The following OTULIN variants were observed in gnomAD, a reference collection of about 807,000 sequenced individuals.
The protein encoded by OTULIN is ubiquitin thioesterase otulin.
OTULIN carries 15 observed loss-of-function variants against 39.6 expected under a neutral mutation model. The observed-to-expected ratio is 0.38, with a 90% CI of 0.25 to 0.58. The LOEUF is 0.58. Among genes scored for constraint, OTULIN ranks in the 20% least tolerant of loss-of-function variants. The probability of loss-of-function intolerance (pLI) is 0.66; values close to 1 mark genes in which losing one functional copy is unlikely to be tolerated. For missense variants in OTULIN, 319 were observed against 445.9 expected (o/e 0.72, Z 2.56); for synonymous variants, 156 against 170.3 (o/e 0.92, Z 0.65).
intron 1 of OTULIN, among the ~76,000 whole-genome samples, chr5:14,668,756 AT>A (rs1356837521): frequency 6.6e-6 from 1 of 152,246 alleles, no homozygotes; most frequent in African/African-American, 2.4e-5. Flanking sequence ...AGCTTTGCAT[AT>A]ACATTAGAAT....
chr5:14,716,098 C>A, the OTULIN span, among the ~76,000 whole-genome samples: 2 of 152,120 alleles, frequency 1.3e-5, no homozygotes, highest in Non-Finnish European at 2.9e-5. Flanking sequence ...CATTTGTGTT[C>A]CCACCACCAC....
the OTULIN span, among the ~76,000 whole-genome samples, chr5:14,715,740 G>A: frequency 1.7e-4 from 26 of 149,378 alleles, no homozygotes; most frequent in African/African-American, 6.4e-4. Flanking sequence ...ATTTGCTATG[G>A]AAATGGTTGT....
Position 14,698,716 on chromosome 5 carries a change from G to GTCCGCAAGGCAGACCTATGATA in OTULIN, c.*5671_*5672insGCAAGGCAGACCTATGATATCC. 6.6e-6 allele frequency: 1 copy of GTCCGCAAGGCAGACCTATGATA among 152,276 alleles called. No homozygotes were observed. The highest frequency in any genetic ancestry group is 2.4e-5 in the African/African-American group (1 of 41,452). 9.4% of individuals were successfully genotyped at this position (152,276 alleles called of 1,614,324 possible). ...GGCACCCGCAAGGCAGACCTATGAT[G>GTCCGCAAGGCAGACCTATGATA]TCCACATGGCTGACTCTTGACCCCT... On this transcript the variant is annotated 3_prime_UTR_variant, in exon 7 of 7. Coordinates refer to ENST00000284274, the MANE Select transcript of OTULIN (RefSeq NM_138348.6).
chr5:14,697,154 G>A lies in OTULIN; in HGVS notation c.*4106G>A, dbSNP rs1229554146. ...TTGGGACTCAGCAGTATTCTGGGAG[G>A]GTGGAGGTGAACTGTCCCATGTATT... On this transcript the variant is annotated 3_prime_UTR_variant, in exon 7 of 7. Coordinates refer to ENST00000284274, the MANE Select transcript of OTULIN (RefSeq NM_138348.6). 6.6e-6 allele frequency: 1 copy of A among 152,212 alleles called. No homozygotes were observed. Among genetic ancestry groups the A allele is most frequent in the African/African-American group, 2.4e-5 (1 of 41,412 alleles). 9.4% of individuals were successfully genotyped at this position (152,212 alleles called of 1,614,324 possible). A position where few individuals can be genotyped will look rare whatever the true frequency, so the allele number is the denominator to read the frequency against.
In OTULIN at chr5:14,698,515, T is replaced by C. The variant is rs1007993425; in HGVS notation, c.*5467T>C. 13 of 152,372 alleles carry C rather than the reference T, an allele frequency of 8.5e-5. No homozygotes were observed. The East Asian group carries it at 2.5e-3, about 29-fold the overall frequency. 9.4% of individuals were successfully genotyped at this position (152,372 alleles called of 1,614,324 possible). A position where few individuals can be genotyped will look rare whatever the true frequency, so the allele number is the denominator to read the frequency against. On this transcript the variant is annotated 3_prime_UTR_variant, in exon 7 of 7. Coordinates refer to ENST00000284274, the MANE Select transcript of OTULIN (RefSeq NM_138348.6). ...TTCACTGTCAGAAGCTGAACTGACT[T>C]GGGGGCTTTGCTGTTGATCCACTTT...
In OTULIN at chr5:14,694,114, C is replaced by T. The variant is rs1736604421; in HGVS notation, c.*1066C>T. The T allele has an allele frequency of 2.0e-5, 3 of 152,186 alleles. No individual in the cohort carries two copies. 9.4% of individuals were successfully genotyped at this position (152,186 alleles called of 1,614,324 possible). A position where few individuals can be genotyped will look rare whatever the true frequency, so the allele number is the denominator to read the frequency against. ...CCAGATCTGTGTAACCCGTCTGGGT[C>T]AGGGGATGAGTGACAGCAAACCATC... On this transcript the variant is annotated 3_prime_UTR_variant, in exon 7 of 7. Coordinates refer to ENST00000284274, the MANE Select transcript of OTULIN (RefSeq NM_138348.6).
downstream of OTULIN, among the ~76,000 whole-genome samples, chr5:14,701,731 G>A (rs953063276): frequency 2.0e-5 from 3 of 152,096 alleles, no homozygotes; most frequent in African/African-American, 2.4e-5. Context: ...TGGTGTGGCC[G>A]CCTTCTCTTT....
intron 3 of OTULIN, among the ~76,000 whole-genome samples, chr5:14,681,041 C>T (rs765349775): frequency 2.6e-5 from 4 of 152,068 alleles, no homozygotes; most frequent in African/African-American, 4.8e-5. Flanking sequence ...GCCTGGGCAA[C>T]GAGAGCGAAA....
Position 14,668,784 on chromosome 5 carries a change from C to T in OTULIN, c.152+3807C>T, listed in dbSNP as rs760705482. 7.2e-5 allele frequency among the ~76,000 whole-genome samples: 11 copies of T among 152,096 alleles called. No individual in the cohort carries two copies. The East Asian group carries it at 1.9e-3, about 27-fold the overall frequency. ...CATTAGAATTGATTTTTTTTCTGTACGTATTTACTTGAATCAAAAATTGAA... is the reference window on the plus strand; with the variant it reads ...CATTAGAATTGATTTTTTTTCTGTATGTATTTACTTGAATCAAAAATTGAA... On this transcript the variant is annotated intron_variant, in intron 1 of 6. Transcript: ENST00000284274.
chr5:14,711,027 G>A, the OTULIN span: 3 of 688,796 alleles, frequency 4.4e-6, no homozygotes, highest in Non-Finnish European at 7.9e-6. Flanking sequence ...CCGTCAGTGT[G>A]AGCATACCCA....
the OTULIN span, among the ~76,000 whole-genome samples, chr5:14,714,883 T>TC: frequency 6.6e-6 from 1 of 152,224 alleles, no homozygotes; most frequent in Non-Finnish European, 1.5e-5. Context: ...TCCAGGCCCC[T>TC]CCTCTGGTCA....
At chr5:14,678,839 G>A in intron 3 of OTULIN, 64 bp downstream of exon 3, 1 of 1,079,314 alleles carries the variant, frequency 9.3e-7, no homozygotes, top group East Asian at 2.5e-5. Flanking sequence ...TGTTTAATAT[G>A]TCATTTGATA....
chr5:14,667,268 C>G (rs890115614), intron 1 of OTULIN, among the ~76,000 whole-genome samples: 2 of 152,208 alleles, frequency 1.3e-5, no homozygotes, highest in Non-Finnish European at 2.9e-5. Flanking sequence ...TGGCTTATTT[C>G]CTAGGTAGCA....
downstream of OTULIN, among the ~76,000 whole-genome samples, chr5:14,704,410 A>G (rs1317603001): frequency 6.7e-6 from 1 of 149,210 alleles, no homozygotes; most frequent in African/African-American, 2.5e-5. Flanking sequence ...AGAATCTCTT[A>G]GATGTGGGCA....
At position 14,697,544 on chromosome 5, in the gene OTULIN, A is replaced by T. The variant is rs1237018849; in HGVS notation, c.*4496A>T. The T allele has an allele frequency of 4.6e-5, 7 of 152,148 alleles. No individual in the cohort carries two copies. Among genetic ancestry groups the T allele is most frequent in the Non-Finnish European group, 8.8e-5 (6 of 68,026 alleles). The allele number at this position is 152,148 out of a possible 1,614,324, so 9.4% of individuals were successfully genotyped here. On this transcript the variant is annotated 3_prime_UTR_variant, in exon 7 of 7. Transcript: ENST00000284274. ...CAGGAATGTCGGAATGGGTTTTGGT[A>T]TGTATAATGGAAATAGATAGAGTGG... is the stretch of plus-strand genomic sequence containing the variant.
At position 14,677,616 on chromosome 5, in the gene OTULIN, AT is replaced by A. The variant is rs895128357; in HGVS notation, c.230-1056del. Among the ~76,000 whole-genome samples the A allele has an allele frequency of 2.0e-5, 3 of 150,758 alleles. No individual in the cohort carries two copies. In the East Asian group the frequency reaches 5.8e-4, roughly 29 times the overall value. On this transcript the variant is annotated intron_variant, in intron 2 of 6. Coordinates refer to ENST00000284274, the MANE Select transcript of OTULIN (RefSeq NM_138348.6). ...TTAAACTAGGGAAAATATAAAGGCT[AT>A]TTTTTTTTCACTATAACATTTGTCT...
the OTULIN span, chr5:14,711,318 AAAG>A: frequency 6.2e-7 from 1 of 1,612,350 alleles, no homozygotes; most frequent in Non-Finnish European, 8.5e-7. Flanking sequence ...TTTCTAGACC[AAAG>A]AAGACTCATC....
the OTULIN span, chr5:14,713,784 C>G: frequency 6.8e-7 from 1 of 1,461,684 alleles, no homozygotes; most frequent in Non-Finnish European, 9.5e-7. This position sits in a 1 kb window ranked among gnomAD's most constrained non-coding sequence, Gnocchi z 4.4. Flanking sequence ...CCTGGCCTTG[C>G]TGTTGAGCCG....
chr5:14,673,569 A>C (rs1736029471), intron 1 of OTULIN, 73 bp from the exon 2 acceptor site: 3 of 1,309,550 alleles, frequency 2.3e-6, no homozygotes, highest in Admixed American at 2.0e-5. Context: ...TGCATTTGTA[A>C]GCAGCTGTAT....
Sources: allele counts gnomAD v4.1 joint callset (sites outside exome capture counted in the v4.1 genomes callset), GRCh38; gene constraint gnomAD v4.1.1; non-coding constraint Gnocchi (gnomAD v3.1); transcripts MANE v1.5; gene names NCBI Gene and HGNC (gene_info 2026-07-23, HGNC 2026-07-21).